The following DYNC2H1 variants were observed in gnomAD, a reference collection of about 807,000 sequenced individuals.
The protein encoded by DYNC2H1 is cytoplasmic dynein 2 heavy chain 1.
A neutral mutation model predicts 570.0 loss-of-function variants in DYNC2H1; 410 were observed. That is an observed-to-expected ratio of 0.72 (90% confidence interval 0.66 to 0.78). The LOEUF (loss-of-function observed/expected upper bound fraction) is 0.78, where lower values mean the gene tolerates loss of function less well. Among genes scored for constraint, DYNC2H1 ranks in the 30% least tolerant of loss-of-function variants. DYNC2H1 has a pLI of 0.00. For missense variants in DYNC2H1, 4,865 were observed against 5,046.4 expected (o/e 0.96, Z 1.09); for synonymous variants, 1,688 against 1,677.6 (o/e 1.01, Z -0.15).
intron 82 of DYNC2H1, among the ~76,000 whole-genome samples, chr11:103,336,568 T>C (rs1393063239): frequency 6.6e-6 from 1 of 152,194 alleles, no homozygotes; most frequent in Non-Finnish European, 1.5e-5. Context: ...TTTGTCTTTC[T>C]GTACCTGGCT....
At chr11:103,146,948 TCATCTGCA>T (rs1382456960) in intron 18 of DYNC2H1, among the ~76,000 whole-genome samples, 1 of 152,192 alleles carries the variant, frequency 6.6e-6, no homozygotes, top group African/African-American at 2.4e-5. Flanking sequence ...TTCCATGTTA[TCATCTGCA>T]CATCAAAAAT....
chr11:103,461,590 G>A lies in DYNC2H1; in HGVS notation c.12648+5234G>A, dbSNP rs1019321480. On this transcript the variant is annotated intron_variant, in intron 87 of 88. Coordinates refer to ENST00000375735, the MANE Select transcript of DYNC2H1 (RefSeq NM_001377.3). This position sits in a 1 kb window ranked among gnomAD's most constrained non-coding sequence, Gnocchi z 4.8. ...GAGAGGATTGCCCTAGCAACACTTC[G>A]AGTGCTCAGTAGCCATATGCGGTAT... Among the ~76,000 whole-genome samples the A allele has an allele frequency of 6.6e-6, 1 of 152,046 alleles. No individual in the cohort carries two copies. The highest frequency in any genetic ancestry group is 1.9e-4 in the East Asian group (1 of 5,182).
intron 83 of DYNC2H1, among the ~76,000 whole-genome samples, chr11:103,386,042 G>T (rs909745559): frequency 1.3e-5 from 2 of 152,092 alleles, no homozygotes; most frequent in African/African-American, 4.8e-5. Flanking sequence ...GGTAAATAAA[G>T]ATGAAGATTA....
chr11:103,238,486 T>C (rs1864305060), intron 63 of DYNC2H1, among the ~76,000 whole-genome samples: 1 of 151,790 alleles, frequency 6.6e-6, no homozygotes, highest in Non-Finnish European at 1.5e-5. Flanking sequence ...GGAGAATTGC[T>C]TGAAACTGGG....
chr11:103,417,300 A>C lies in DYNC2H1; in HGVS notation c.12366+17428A>C, dbSNP rs866758848. On this transcript the variant is annotated intron_variant, in intron 84 of 88. Transcript: ENST00000375735. Reference sequence around the variant, plus strand: ...TCACCATGTTGGTCAGGGGGGTTTCACCATGTTGGTCAGGATGGTCTCGAT... The same window carrying C: ...TCACCATGTTGGTCAGGGGGGTTTCCCCATGTTGGTCAGGATGGTCTCGAT... Among the ~76,000 whole-genome samples, 5 of 151,666 alleles carry C rather than the reference A, an allele frequency of 3.3e-5. No homozygotes were observed. In the Middle Eastern group the frequency reaches 0.014, roughly 416 times the overall value.
chr11:103,128,864 A>T (rs1314434717), intron 12 of DYNC2H1, 46 bp from the exon 13 acceptor site: 8 of 1,353,948 alleles, frequency 5.9e-6, no homozygotes, highest in Non-Finnish European at 7.1e-6. Flanking sequence ...ATAAAAAATT[A>T]AAAATGAAGT....
chr11:103,147,633 A>G, intron 18 of DYNC2H1, 139 bp from the exon 19 acceptor site: 2 of 566,146 alleles, frequency 3.5e-6, no homozygotes, highest in Non-Finnish European at 3.0e-6. Flanking sequence ...AATTAAATCT[A>G]AATGTGCTTA....
At chr11:103,139,614 T>C (rs1340886921) in intron 17 of DYNC2H1, among the ~76,000 whole-genome samples, 3 of 148,532 alleles carry the variant, frequency 2.0e-5, no homozygotes, top group African/African-American at 5.0e-5. Flanking sequence ...TTACATTTGC[T>C]GAGGAGAGCT....
At chr11:103,431,499 T>A (rs762385228) in intron 84 of DYNC2H1, among the ~76,000 whole-genome samples, 1 of 152,156 alleles carries the variant, frequency 6.6e-6, no homozygotes, top group Admixed American at 6.6e-5. Flanking sequence ...ACATTTTCTC[T>A]TCTGTAAAAT....
intron 86 of DYNC2H1, among the ~76,000 whole-genome samples, chr11:103,455,782 A>AT (rs1460821914): frequency 1.3e-5 from 2 of 152,272 alleles, no homozygotes; most frequent in African/African-American, 4.8e-5. Flanking sequence ...GGACTTGATG[A>AT]TTAAGATCAA....
chr11:103,378,177 G>A (rs1941475975), intron 83 of DYNC2H1, among the ~76,000 whole-genome samples: 1 of 152,096 alleles, frequency 6.6e-6, no homozygotes, highest in Admixed American at 6.6e-5. Context: ...ATTAAGAATT[G>A]TACATCTCTA....
Position 103,148,478 on chromosome 11 carries a change from G to A in DYNC2H1, c.2819-12G>A. 1 of 1,550,962 alleles carries A rather than the reference G, an allele frequency of 6.4e-7. No homozygotes were observed. The highest frequency in any genetic ancestry group is 8.7e-7 in the Non-Finnish European group (1 of 1,147,138). On this transcript the variant is annotated splice_polypyrimidine_tract_variant and intron_variant, in intron 19 of 88. Transcript: ENST00000375735. The stretch of plus-strand genomic sequence containing the variant: ...TAATTAACATTTCTTGTATTTCAAT[G>A]TTACCACTCAGCTCATTTACATGAA...
intron 32 of DYNC2H1, 114 bp from the exon 33 acceptor site, chr11:103,169,994 A>G: frequency 2.0e-6 from 2 of 1,018,838 alleles, no homozygotes; most frequent in Non-Finnish European, 2.7e-6. Flanking sequence ...TGTGTTAAAA[A>G]CTTTAACCTG....
chr11:103,156,558 T>C lies in DYNC2H1; in HGVS notation c.3915T>C (p.Asn1305=), dbSNP rs760565304. The change falls in exon 26 of 89, where the codon AAT becomes AAC. Residue 1305 remains asparagine, a synonymous_variant. Transcript: ENST00000375735. ...ATATAGTAAATCAGGTTGGAGATAA[T>C]AGATGCCTTCTCCAATCCTTAAAGG... ...WKDIVNQVGD[N]RCLLQSLKDS... 42 of 1,613,594 alleles carry C rather than the reference T, an allele frequency of 2.6e-5. No individual in the cohort carries two copies. Among genetic ancestry groups the C allele is most frequent in the Non-Finnish European group, 3.1e-5 (37 of 1,179,692 alleles).
intron 65 of DYNC2H1, among the ~76,000 whole-genome samples, chr11:103,251,016 T>C (rs1437324648): frequency 2.6e-5 from 4 of 152,100 alleles, no homozygotes; most frequent in Non-Finnish European, 5.9e-5. Context: ...TCTTGCTTCA[T>C]TTAATTTTCT....
intron 4 of DYNC2H1, 52 bp downstream of exon 4, chr11:103,115,347 G>T: frequency 8.1e-7 from 1 of 1,240,562 alleles, no homozygotes; most frequent in Admixed American, 2.5e-5. Context: ...AAGTACTTTG[G>T]GATTCAATTT....
At chr11:103,120,274 TTTG>T (rs965039215) in intron 6 of DYNC2H1, among the ~76,000 whole-genome samples, 170 bp from the exon 7 acceptor site, 17 of 152,194 alleles carry the variant, frequency 1.1e-4, no homozygotes, top group Admixed American at 6.5e-4. Context: ...TGAGCATCAC[TTTG>T]TTGTTGTCAC....
intron 13 of DYNC2H1, among the ~76,000 whole-genome samples, chr11:103,131,057 A>G (rs1859242951): frequency 1.3e-5 from 2 of 152,192 alleles, no homozygotes; most frequent in Non-Finnish European, 2.9e-5. Context: ...AGCATCTCCT[A>G]TATTCCAGAG....
chr11:103,168,714 T>C, intron 31 of DYNC2H1, 41 bp from the exon 32 acceptor site: 9 of 1,583,158 alleles, frequency 5.7e-6, no homozygotes, highest in African/African-American at 2.7e-5. Context: ...AATCACAGGC[T>C]AACATTTTCT....
Sources: allele counts gnomAD v4.1 joint callset (sites outside exome capture counted in the v4.1 genomes callset), GRCh38; gene constraint gnomAD v4.1.1; non-coding constraint Gnocchi (gnomAD v3.1); transcripts MANE v1.5; gene names NCBI Gene and HGNC (gene_info 2026-07-23, HGNC 2026-07-21).